The following CLASP2 variants were observed in gnomAD, a reference collection of about 807,000 sequenced individuals.
The protein encoded by CLASP2 is CLIP-associating protein 2.
A neutral mutation model predicts 194.4 loss-of-function variants in CLASP2; 47 were observed. The ratio of observed to expected loss-of-function variants is 0.24; its 90% confidence interval spans 0.19 to 0.31. The LOEUF (loss-of-function observed/expected upper bound fraction) is 0.31. Among genes scored for constraint, CLASP2 ranks in the 10% least tolerant of loss-of-function variants. The pLI is 1.00. For synonymous variants in CLASP2, 619 were observed against 633.5 expected (o/e 0.98, Z 0.34); for missense variants, 1,445 against 1,823.6 (o/e 0.79, Z 3.78).
chr3:33,612,296 CAAAG>C (rs902683329), intron 12 of CLASP2, among the ~76,000 whole-genome samples: 20 of 152,058 alleles, frequency 1.3e-4, no homozygotes, highest in Non-Finnish European at 2.6e-4. Context: ...TATGATCTAA[CAAAG>C]AAAAGTTAAC....
chr3:33,642,714 A>T (rs1458711163), intron 8 of CLASP2, among the ~76,000 whole-genome samples: 1 of 151,922 alleles, frequency 6.6e-6, no homozygotes, highest in Admixed American at 6.6e-5. Context: ...AGACCAAAAA[A>T]ACTAAAGTTA....
intron 35 of CLASP2, 101 bp from the exon 36 acceptor site, chr3:33,516,252 T>C (rs1277650085): frequency 1.7e-5 from 19 of 1,127,180 alleles, no homozygotes; most frequent in Non-Finnish European, 2.1e-5. Context: ...GGGGGAGGAG[T>C]TGTAGATAAC....
At position 33,573,057 on chromosome 3, in the gene CLASP2, A is replaced by C. The variant is rs1048250320; in HGVS notation, c.2699+53T>G. The C allele has an allele frequency of 1.4e-5, 22 of 1,596,576 alleles. No homozygotes were observed. In the African/African-American group the frequency reaches 3.0e-4, roughly 22 times the overall value. ...CTAAAGTGTTATAGAAACAAAGTAA[A>C]ATCAAAAAGCGCTAACCTGATAGTA... On this transcript the variant is annotated intron_variant, in intron 25 of 38. Transcript: ENST00000682230.
intron 33 of CLASP2, among the ~76,000 whole-genome samples, chr3:33,537,961 G>A (rs577848723): frequency 6.6e-6 from 1 of 152,262 alleles, no homozygotes; most frequent in South Asian, 2.1e-4. Flanking sequence ...CTAACACGGT[G>A]AAACCTCATC....
intron 6 of CLASP2, among the ~76,000 whole-genome samples, chr3:33,678,364 A>C (rs968910509): frequency 4.6e-5 from 7 of 152,156 alleles, no homozygotes; most frequent in Non-Finnish European, 8.8e-5. Context: ...AAATATTCTC[A>C]AAGTAACCAG....
chr3:33,540,412 A>C (rs1372639025), intron 32 of CLASP2, among the ~76,000 whole-genome samples: 1 of 151,130 alleles, frequency 6.6e-6, no homozygotes, highest in Non-Finnish European at 1.5e-5. Flanking sequence ...GATTTAAAAA[A>C]ATTTTTTTTT....
chr3:33,607,727 A>C (rs1226726395), intron 14 of CLASP2, among the ~76,000 whole-genome samples: 3 of 152,160 alleles, frequency 2.0e-5, no homozygotes, highest in East Asian at 3.8e-4. Flanking sequence ...ATAGTGTATA[A>C]ATACATAGTA....
intron 7 of CLASP2, among the ~76,000 whole-genome samples, chr3:33,648,964 A>T (rs895970244): frequency 6.6e-6 from 1 of 152,104 alleles, no homozygotes; most frequent in African/African-American, 2.4e-5. Context: ...ATATCACATC[A>T]CTGTTCAAAA....
chr3:33,560,698 C>A, intron 28 of CLASP2, 110 bp downstream of exon 28: 1 of 844,900 alleles, frequency 1.2e-6, no homozygotes, highest in Non-Finnish European at 1.9e-6. Context: ...AAACGGAATC[C>A]ATGCAGTCTA....
rs1337630980 is a variant in CLASP2 at position 33,560,661 on chromosome 3, T to C, written c.2930+147A>G. ...GAAAAATGTTGCTTTAAATATACAA[T>C]ATGAATGGGCATAATTAACAATCTT... On this transcript the variant is annotated intron_variant, in intron 28 of 38. Transcript: ENST00000682230. The C allele has an allele frequency of 1.1e-5, 7 of 665,924 alleles. No individual in the cohort carries two copies. In the East Asian group the frequency reaches 1.6e-4, roughly 15 times the overall value. 41.3% of individuals were successfully genotyped at this position (665,924 alleles called of 1,614,324 possible).
chr3:33,578,880 C>T (rs73826759), intron 23 of CLASP2, among the ~76,000 whole-genome samples: 10,332 of 152,182 alleles, frequency 0.068, 1,119 homozygotes, highest in African/African-American at 0.23. Context: ...AAACTTTGCT[C>T]GGCTCTAATT....
At chr3:33,681,923 A>C (rs1481283140) in intron 6 of CLASP2, among the ~76,000 whole-genome samples, 2 of 152,138 alleles carry the variant, frequency 1.3e-5, no homozygotes, top group Non-Finnish European at 2.9e-5. Context: ...GTTAGTTCCT[A>C]GGAGAGCTGG....
At chr3:33,644,578 G>T in intron 8 of CLASP2, 179 bp downstream of exon 8, 1 of 682,766 alleles carries the variant, frequency 1.5e-6, no homozygotes. Context: ...GGAAATAGCA[G>T]TATACAATAT....
chr3:33,688,323 G>C lies in CLASP2; in HGVS notation c.424C>G (p.Arg142Gly), dbSNP rs1225438254. The change falls in exon 4 of 39, where the codon CGA becomes GGA. Residue 142 changes from arginine to glycine, a missense_variant. By Grantham distance (125) the Arg-to-Gly change is moderately radical (BLOSUM62 -2). Transcript: ENST00000682230. The part of the protein sequence containing the change: ...LASGFKHKNF[R>G]SREGVCLCLI... ...CACAGACACACGCCTTCTCGAGATC[G>C]AAAATTCTTGTGTTTAAAACCAGAA... 1.9e-6 allele frequency: 3 copies of C among 1,592,974 alleles called. No individual in the cohort carries two copies. In the South Asian group the frequency reaches 3.4e-5, roughly 18 times the overall value.
intron 7 of CLASP2, among the ~76,000 whole-genome samples, chr3:33,653,540 G>C (rs1346856537): frequency 6.7e-6 from 1 of 148,872 alleles, no homozygotes; most frequent in Non-Finnish European, 1.5e-5. Flanking sequence ...ACTGTAAAAA[G>C]ATATTTATAA....
intron 34 of CLASP2, among the ~76,000 whole-genome samples, chr3:33,526,197 T>A (rs2054518698): frequency 1.3e-5 from 2 of 152,052 alleles, no homozygotes; most frequent in Admixed American, 1.3e-4. Context: ...GGTCTTGAAC[T>A]CCTGGTGTCA....
chr3:33,659,485 G>GATGAAAACCT, intron 7 of CLASP2: 1 of 835,210 alleles, frequency 1.2e-6, no homozygotes, highest in Non-Finnish European at 1.4e-6. Flanking sequence ...TTTTAAAAAG[G>GATGAAAACCT]TTTTCATCCT....
chr3:33,602,874 T>C, intron 18 of CLASP2, 78 bp downstream of exon 18: 3 of 1,311,248 alleles, frequency 2.3e-6, no homozygotes, highest in Middle Eastern at 1.8e-4. Flanking sequence ...TGAATAGAAA[T>C]GATTAAGGTA....
chr3:33,536,696 G>A (rs1407733042), intron 33 of CLASP2, among the ~76,000 whole-genome samples: 1 of 152,174 alleles, frequency 6.6e-6, no homozygotes, highest in Admixed American at 6.5e-5. Context: ...TAATCAAGGA[G>A]GCCAAATTTT....
Sources: gnomAD v4.1 joint callset for allele counts (sites outside exome capture counted in the v4.1 genomes callset) on GRCh38, gnomAD v4.1.1 for gene constraint, MANE v1.5 for transcripts, NCBI Gene and HGNC (gene_info 2026-07-23, HGNC 2026-07-21) for gene names.